Variants in ZFHX3 observed in about 807,000 individuals in gnomAD.
The protein encoded by ZFHX3 is zinc finger homeobox protein 3.
ZFHX3 carries 42 observed loss-of-function variants against 279.1 expected under a neutral mutation model. The ratio of observed to expected loss-of-function variants is 0.15; its 90% CI spans 0.12 to 0.19. ZFHX3 has a LOEUF of 0.19. Ranked by LOEUF, ZFHX3 falls within the 10% of genes least tolerant of loss-of-function variation. The pLI is 1.00. For synonymous variants in ZFHX3, 2,293 were observed against 1,957.8 expected (o/e 1.17, Z -4.52); for missense variants, 4,981 against 4,754.0 (o/e 1.05, Z -1.40).
At chr16:73,078,174 T>C (rs960556030) in intron 8 of ZFHX3, among the ~76,000 whole-genome samples, 6 of 152,200 alleles carry the variant, frequency 3.9e-5, no homozygotes, top group Non-Finnish European at 8.8e-5. Context: ...GGAGAAAAAG[T>C]ATGAAAAACC....
chr16:72,841,655 T>C (rs2037348489), intron 4 of ZFHX3, among the ~76,000 whole-genome samples: 1 of 152,170 alleles, frequency 6.6e-6, no homozygotes, highest in South Asian at 2.1e-4. Context: ...TCCTCAAATC[T>C]CCCACAGCTA....
intron 1 of ZFHX3, among the ~76,000 whole-genome samples, chr16:73,872,046 A>T (rs1031507965): frequency 1.3e-5 from 2 of 152,222 alleles, no homozygotes; most frequent in African/African-American, 2.4e-5. Flanking sequence ...TTTTGCGATC[A>T]ATATTCACAT....
At chr16:73,010,051 AG>A (rs1322293780) in intron 1 of ZFHX3, among the ~76,000 whole-genome samples, 2 of 151,190 alleles carry the variant, frequency 1.3e-5, no homozygotes, top group Non-Finnish European at 2.9e-5. Flanking sequence ...AAACTCATAA[AG>A]GTACACAGCA....
At chr16:73,287,024 G>A (rs1229948424) in intron 4 of ZFHX3, among the ~76,000 whole-genome samples, 1 of 148,170 alleles carries the variant, frequency 6.7e-6, no homozygotes, top group Non-Finnish European at 1.5e-5. Context: ...GTTTGTATGT[G>A]GCTGTGTGAG....
intron 1 of ZFHX3, among the ~76,000 whole-genome samples, chr16:72,981,216 G>C (rs1454850880): frequency 3.3e-5 from 5 of 152,122 alleles, no homozygotes; most frequent in African/African-American, 4.8e-5. Context: ...AGCACCACCA[G>C]GCTGCTAATG....
chr16:72,987,996 A>T (rs1221827360), intron 1 of ZFHX3, among the ~76,000 whole-genome samples: 2 of 152,140 alleles, frequency 1.3e-5, no homozygotes, highest in African/African-American at 4.8e-5. Flanking sequence ...GTTTAATATT[A>T]TATGTGGCTA....
At chr16:73,837,007 T>C (rs1177935442) in intron 1 of ZFHX3, among the ~76,000 whole-genome samples, 1 of 152,236 alleles carries the variant, frequency 6.6e-6, no homozygotes, top group East Asian at 1.9e-4. Flanking sequence ...GCTGATGCCA[T>C]GGTTCTTGGA....
intron 5 of ZFHX3, among the ~76,000 whole-genome samples, chr16:72,816,956 C>T (rs1051685959): frequency 9.9e-5 from 15 of 152,148 alleles, no homozygotes; most frequent in Admixed American, 9.8e-4. Flanking sequence ...TTAAAAGTTA[C>T]CCCTCTACTC....
chr16:73,602,338 G>T (rs1279120350), intron 2 of ZFHX3, among the ~76,000 whole-genome samples: 2 of 152,092 alleles, frequency 1.3e-5, no homozygotes, highest in Admixed American at 1.3e-4. Context: ...TGCTGAGACC[G>T]TATGAATACT....
At chr16:73,742,564 C>T (rs1289831246) in intron 1 of ZFHX3, among the ~76,000 whole-genome samples, 1 of 152,122 alleles carries the variant, frequency 6.6e-6, no homozygotes, top group Non-Finnish European at 1.5e-5. Context: ...ATTACAAAGA[C>T]TTCTTGGAGG....
At position 73,378,030 on chromosome 16, in the gene ZFHX3, CAAAAAAAAAAAAAAAAAAAAAAA is replaced by C. The variant is rs71156159; in HGVS notation, c.-1290-59717_-1290-59695del. Among the ~76,000 whole-genome samples, 187 of 53,840 alleles carry C rather than the reference CAAAAAAAAAAAAAAAAAAAAAAA, an allele frequency of 3.5e-3. 3 individuals carry two copies. Among genetic ancestry groups the C allele is most frequent in the African/African-American group, 0.012 (162 of 13,234 alleles). 35.3% of individuals were successfully genotyped at this position (53,840 alleles called of 152,430 possible). On this transcript the variant is annotated intron_variant, in intron 3 of 17. Transcript: ENST00000641206. ...CCTGGGTGACAGAGAGACTCTGTCT[CAAAAAAAAAAAAAAAAAAAAAAA>C]AAAAAAAAAAAAAAAATCTTATACA... is the stretch of plus-strand genomic sequence containing the variant.
intron 5 of ZFHX3, among the ~76,000 whole-genome samples, chr16:73,200,215 G>A (rs566164496): frequency 6.6e-5 from 10 of 152,168 alleles, no homozygotes; most frequent in Non-Finnish European, 1.0e-4. Context: ...GTAGTAAATC[G>A]TATTAAATTG....
At chr16:73,715,549 T>A (rs988198340) in intron 1 of ZFHX3, among the ~76,000 whole-genome samples, 14 of 146,954 alleles carry the variant, frequency 9.5e-5, no homozygotes, top group African/African-American at 3.6e-4. Flanking sequence ...AGTTAGCAAG[T>A]ACCACAGCTG....
intron 4 of ZFHX3, among the ~76,000 whole-genome samples, chr16:72,873,740 T>C (rs1230031484): frequency 6.6e-6 from 1 of 152,210 alleles, no homozygotes; most frequent in East Asian, 1.9e-4. Context: ...GCTGTCTTCA[T>C]ATAGATATTT....
intron 1 of ZFHX3, among the ~76,000 whole-genome samples, chr16:73,718,621 TATTTA>T (rs745867412): frequency 6.0e-5 from 9 of 149,692 alleles, no homozygotes; most frequent in South Asian, 2.1e-4. Flanking sequence ...ATTATTTATT[TATTTA>T]TTTTTTTAAG....
intron 3 of ZFHX3, among the ~76,000 whole-genome samples, chr16:73,447,350 A>G (rs1268877426): frequency 6.6e-6 from 1 of 152,178 alleles, no homozygotes; most frequent in Non-Finnish European, 1.5e-5. Context: ...GAAGAGTAGG[A>G]CAATGATTTT....
At chr16:73,433,588 A>T (rs539690966) in intron 3 of ZFHX3, among the ~76,000 whole-genome samples, 1 of 152,262 alleles carries the variant, frequency 6.6e-6, no homozygotes, top group Non-Finnish European at 1.5e-5. Flanking sequence ...GAGGCTTTTA[A>T]TTAAACTTTT....
At chr16:73,156,527 G>A (rs1350285953) in intron 5 of ZFHX3, among the ~76,000 whole-genome samples, 2 of 152,118 alleles carry the variant, frequency 1.3e-5, no homozygotes, top group Non-Finnish European at 2.9e-5. Flanking sequence ...CTTCGCTCCT[G>A]GTCTTGCTTT....
intron 2 of ZFHX3, among the ~76,000 whole-genome samples, chr16:73,471,643 G>A (rs979473652): frequency 2.0e-5 from 3 of 152,070 alleles, no homozygotes; most frequent in Admixed American, 2.0e-4. Context: ...AACTGACTTG[G>A]GTGAGAGGAG....
Sources: gnomAD v4.1 joint callset for allele counts (sites outside exome capture counted in the v4.1 genomes callset) on GRCh38, gnomAD v4.1.1 for gene constraint, MANE v1.5 for transcripts, NCBI Gene and HGNC (gene_info 2026-07-23, HGNC 2026-07-21) for gene names.